The following RBFOX2 variants were observed in gnomAD, a reference collection of about 807,000 sequenced individuals.
RBFOX2 encodes the protein RNA binding protein fox-1 homolog 2.
A neutral mutation model predicts 49.1 loss-of-function variants in RBFOX2; 10 were observed. That is an observed-to-expected ratio of 0.20 (90% CI 0.13 to 0.35). The LOEUF is 0.35. Ranked by LOEUF, RBFOX2 falls within the 10% of genes least tolerant of loss-of-function variation. The pLI, the probability that RBFOX2 is intolerant of heterozygous loss-of-function variation, is 1.00. For synonymous variants in RBFOX2, 183 were observed against 187.4 expected (o/e 0.98, Z 0.19); for missense variants, 323 against 486.9 (o/e 0.66, Z 3.17).
intron 1 of RBFOX2, among the ~76,000 whole-genome samples, chr22:35,916,280 G>A (rs1001210415): frequency 6.6e-6 from 1 of 152,256 alleles, no homozygotes; most frequent in South Asian, 2.1e-4. Context: ...ATGGGTGTTT[G>A]CATGTTTGTT....
exon 12 of RBFOX2, chr22:35,744,198 C>G: frequency 6.2e-7 from 1 of 1,608,480 alleles, no homozygotes; most frequent in Non-Finnish European, 8.5e-7. Flanking sequence ...AGGGGTCTCA[C>G]GTCACTTCAG....
At chr22:35,982,647 G>T (rs2057518081) in intron 1 of RBFOX2, among the ~76,000 whole-genome samples, 3 of 152,116 alleles carry the variant, frequency 2.0e-5, no homozygotes, top group Admixed American at 2.0e-4. Flanking sequence ...TGAGGGTCCA[G>T]GATATCTGAA....
chr22:35,756,033 C>A (rs1015727673), intron 9 of RBFOX2, 72 bp downstream of exon 11: 3 of 1,200,446 alleles, frequency 2.5e-6, no homozygotes, highest in Non-Finnish European at 3.2e-6. Flanking sequence ...CCAAACCAAA[C>A]CAAAGAAACA....
chr22:35,946,836 A>C (rs1170946788), intron 1 of RBFOX2, among the ~76,000 whole-genome samples: 3 of 152,240 alleles, frequency 2.0e-5, no homozygotes, highest in African/African-American at 7.2e-5. Context: ...TACACAGTCA[A>C]GGCCACATGA....
chr22:35,762,249 CTT>C (rs1374236176), intron 6 of RBFOX2, among the ~76,000 whole-genome samples: 1 of 151,930 alleles, frequency 6.6e-6, no homozygotes, highest in Non-Finnish European at 1.5e-5. Context: ...TCTTCTTTCC[CTT>C]TTTTATATTT....
chr22:35,834,404 C>G (rs1957300823), intron 1 of RBFOX2, among the ~76,000 whole-genome samples: 1 of 152,186 alleles, frequency 6.6e-6, no homozygotes, highest in African/African-American at 2.4e-5. Context: ...GTTCTACACA[C>G]TGGGAATACA....
chr22:35,904,719 CAAT>C (rs1403596826), intron 1 of RBFOX2, among the ~76,000 whole-genome samples: 2 of 152,164 alleles, frequency 1.3e-5, no homozygotes, highest in African/African-American at 4.8e-5. Context: ...CTTCTCAGCA[CAAT>C]AATAGCATCC....
intron 1 of RBFOX2, chr22:35,995,460 T>C (rs1208925595): frequency 6.6e-6 from 1 of 152,170 alleles, no homozygotes; most frequent in Non-Finnish European, 1.5e-5. Context: ...CGGGAGACAG[T>C]GATCCAACTG....
chr22:35,924,067 G>A lies in RBFOX2; in HGVS notation c.-34+14780C>T, dbSNP rs2051335701. 4.6e-5 allele frequency among the ~76,000 whole-genome samples: 7 copies of A among 152,244 alleles called. No individual in the cohort carries two copies. In the South Asian group the frequency reaches 1.5e-3, roughly 32 times the overall value. ...TAACAACTACATAGCCTTGGACAAT[G>A]ACTTAATCCCTTTGAGCCTTGGTTT... On this transcript the variant is annotated intron_variant, in intron 1 of 13. Coordinates refer to the RBFOX2 transcript ENST00000359369.
chr22:35,950,509 C>T (rs542767245), intron 1 of RBFOX2, among the ~76,000 whole-genome samples: 2 of 152,308 alleles, frequency 1.3e-5, no homozygotes, highest in African/African-American at 2.4e-5. Flanking sequence ...CTCAGTAAAC[C>T]TTTTCATGTT....
At chr22:35,840,583 AGAAT>A in exon 1 of RBFOX2, 1 of 1,169,654 alleles carries the variant, frequency 8.5e-7, no homozygotes, top group Non-Finnish European at 1.1e-6. Flanking sequence ...GGCCTGCTGG[AGAAT>A]GGCAGTTTGG....
chr22:35,742,920 GAGA>G (rs1454763087), exon 12 of RBFOX2: 1 of 152,938 alleles, frequency 6.5e-6, no homozygotes, highest in East Asian at 1.9e-4. Flanking sequence ...GGAGGACAGT[GAGA>G]AGCTCAGCGG....
At chr22:36,009,042 T>A (rs1440876508) in intron 1 of RBFOX2, among the ~76,000 whole-genome samples, 1 of 152,180 alleles carries the variant, frequency 6.6e-6, no homozygotes, top group Non-Finnish European at 1.5e-5. Flanking sequence ...CGTCATATAT[T>A]TTACAGTCAC....
At chr22:35,839,385 A>G (rs1958292017) in intron 1 of RBFOX2, among the ~76,000 whole-genome samples, 2 of 151,570 alleles carry the variant, frequency 1.3e-5, no homozygotes, top group Admixed American at 1.3e-4. Context: ...AGGCAGGGAG[A>G]AAGAGGGGAA....
intron 1 of RBFOX2, among the ~76,000 whole-genome samples, chr22:35,924,052 A>G (rs2051333096): frequency 6.6e-6 from 1 of 152,162 alleles, no homozygotes; most frequent in African/African-American, 2.4e-5. Flanking sequence ...TAACAACTAC[A>G]TAGCCTTGGA....
chr22:35,861,935 T>C (rs1000938500), intron 1 of RBFOX2, among the ~76,000 whole-genome samples: 8 of 152,188 alleles, frequency 5.3e-5, no homozygotes, highest in Non-Finnish European at 1.2e-4. Context: ...TTACTACTAC[T>C]TAGAAATAAA....
intron 1 of RBFOX2, among the ~76,000 whole-genome samples, chr22:35,970,661 A>G (rs2056820295): frequency 6.6e-6 from 1 of 152,060 alleles, no homozygotes; most frequent in Admixed American, 6.5e-5. Flanking sequence ...GTGAGACCCT[A>G]TCTAAAAAAA....
chr22:35,781,660 C>A, exon 3 of RBFOX2: 1 of 1,614,192 alleles, frequency 6.2e-7, no homozygotes, highest in Non-Finnish European at 8.5e-7. Flanking sequence ...AGACATGCAG[C>A]CGTTTCGGGG....
At chr22:35,771,802 G>C (rs2146773058) in intron 4 of RBFOX2, among the ~76,000 whole-genome samples, 1 of 152,088 alleles carries the variant, frequency 6.6e-6, no homozygotes, top group Non-Finnish European at 1.5e-5. Context: ...ATAAAATTTA[G>C]CATTTTAGAA....
Sources: gnomAD v4.1 joint callset for allele counts (sites outside exome capture counted in the v4.1 genomes callset) on GRCh38, gnomAD v4.1.1 for gene constraint, MANE v1.5 for transcripts, NCBI Gene and HGNC (gene_info 2026-07-23, HGNC 2026-07-21) for gene names.